The following INSL6 variants were observed in gnomAD, a reference collection of about 807,000 sequenced individuals.
The protein encoded by INSL6 is insulin-like peptide INSL6.
In INSL6, 16 loss-of-function variants were observed where a neutral mutation model predicts 9.4. The observed-to-expected ratio is 1.70, with a 90% confidence interval of 1.15 to 2.59. INSL6 has a LOEUF of 2.59. Among genes scored for constraint, INSL6 ranks in the 30% most tolerant of loss-of-function variants. The probability of loss-of-function intolerance (pLI) is 0.00; values close to 1 mark genes in which losing one functional copy is unlikely to be tolerated. For missense variants in INSL6, 391 were observed against 257.3 expected, an observed-to-expected ratio of 1.52 and a Z score of -3.56; for synonymous variants, 154 against 96.9, an observed-to-expected ratio of 1.59 and a Z score of -3.46.
chr9:5,177,568 G>C (rs1482717097), intron 1 of INSL6, among the ~76,000 whole-genome samples: 1 of 152,202 alleles, frequency 6.6e-6, no homozygotes, highest in Non-Finnish European at 1.5e-5. Context: ...CAGAAGATAT[G>C]ACAGTGCATA....
intron 2 of INSL6, among the ~76,000 whole-genome samples, chr9:5,150,113 T>G (rs888872212): frequency 6.6e-6 from 1 of 152,188 alleles, no homozygotes; most frequent in African/African-American, 2.4e-5. Flanking sequence ...AAATTAAAGA[T>G]TTAAATGTCA....
the INSL6 span, chr9:5,090,982 A>T: frequency 8.9e-7 from 1 of 1,120,280 alleles, no homozygotes; most frequent in Non-Finnish European, 1.3e-6. Flanking sequence ...GTTATTTAAT[A>T]GTTTGCCATT....
the INSL6 span, chr9:5,094,874 G>A: frequency 6.6e-6 from 1 of 152,010 alleles, no homozygotes; most frequent in Admixed American, 6.6e-5. Context: ...TTTAACCACC[G>A]TTTTTATGAA....
chr9:5,040,561 A>C, the INSL6 span, among the ~76,000 whole-genome samples: 1 of 152,262 alleles, frequency 6.6e-6, no homozygotes, highest in Non-Finnish European at 1.5e-5. Context: ...TTTGGGAATC[A>C]TATATCTGAT....
chr9:5,040,554 G>A, the INSL6 span, among the ~76,000 whole-genome samples: 3 of 152,216 alleles, frequency 2.0e-5, no homozygotes, highest in Non-Finnish European at 4.4e-5. Context: ...GCAAATGTTT[G>A]GGAATCATAT....
chr9:5,085,568 T>C, the INSL6 span: 1 of 691,280 alleles, frequency 1.4e-6, no homozygotes, highest in East Asian at 2.6e-5. Flanking sequence ...ACAGCTGTAT[T>C]TCCAGTTTGT....
At chr9:5,036,216 G>T in the INSL6 span, among the ~76,000 whole-genome samples, 4 of 152,082 alleles carry the variant, frequency 2.6e-5, no homozygotes, top group Non-Finnish European at 5.9e-5. Context: ...ACTGCTCAAT[G>T]AAGTAAAAGA....
the INSL6 span, chr9:5,100,494 A>C: frequency 6.6e-6 from 1 of 152,216 alleles, no homozygotes; most frequent in Non-Finnish European, 1.5e-5. Context: ...AATTCTATTT[A>C]TTATCTGAGA....
the INSL6 span, among the ~76,000 whole-genome samples, chr9:5,054,313 A>G: frequency 6.6e-6 from 1 of 152,066 alleles, no homozygotes; most frequent in Non-Finnish European, 1.5e-5. This position sits in a 1 kb window ranked among gnomAD's most constrained non-coding sequence, Gnocchi z 4.9. Context: ...CATTAGGGGA[A>G]GAAGATTAAC....
the INSL6 span, chr9:5,099,262 T>C: frequency 6.6e-6 from 1 of 152,254 alleles, no homozygotes; most frequent in East Asian, 1.9e-4. Flanking sequence ...ATCTAACCAG[T>C]TTTATACCTA....
At chr9:5,080,651 T>A in the INSL6 span, 1 of 1,593,518 alleles carries the variant, frequency 6.3e-7, no homozygotes. Context: ...TTCAGAGCCA[T>A]CATACGAGAT....
At chr9:5,020,444 G>T in the INSL6 span, among the ~76,000 whole-genome samples, 1 of 152,170 alleles carries the variant, frequency 6.6e-6, no homozygotes, top group South Asian at 2.1e-4. Context: ...TGGTGGGCAG[G>T]AGCAGGATGA....
At chr9:5,085,893 TCCTTTCTAATACCCTC>T in the INSL6 span, 3 of 845,590 alleles carry the variant, frequency 3.5e-6, no homozygotes, top group African/African-American at 5.0e-5. Context: ...TATGAGCGGT[TCCTTTCTAATACCCTC>T]ATACAGACCT....
intron 2 of INSL6, among the ~76,000 whole-genome samples, chr9:5,150,656 A>T (rs1448127624): frequency 1.3e-5 from 2 of 152,204 alleles, no homozygotes; most frequent in Non-Finnish European, 2.9e-5. Flanking sequence ...GTAAAATAGT[A>T]TGAAGACTTC....
downstream of INSL6, among the ~76,000 whole-genome samples, chr9:5,119,050 CATT>C (rs1012203836): frequency 2.0e-4 from 31 of 152,198 alleles, no homozygotes; most frequent in African/African-American, 5.1e-4. Context: ...ATTATTAATA[CATT>C]ATTATTAACA....
At chr9:5,166,968 T>C (rs992016169) in intron 1 of INSL6, among the ~76,000 whole-genome samples, 1 of 152,172 alleles carries the variant, frequency 6.6e-6, no homozygotes, top group African/African-American at 2.4e-5. Flanking sequence ...GCAGCCAAGA[T>C]GGCTGAATAG....
chr9:5,119,429 TA>T (rs539525091), downstream of INSL6, among the ~76,000 whole-genome samples: 225 of 145,408 alleles, frequency 1.5e-3, no homozygotes, highest in African/African-American at 4.8e-3. Context: ...AATGAAAGCC[TA>T]AAAAAAAAAG....
chr9:4,999,201 C>G, the INSL6 span, among the ~76,000 whole-genome samples: 1 of 152,178 alleles, frequency 6.6e-6, no homozygotes, highest in Non-Finnish European at 1.5e-5. Context: ...TTACATTTGA[C>G]TTCGGTAGCC....
At chr9:5,121,884 G>A (rs1286718401), downstream of INSL6, among the ~76,000 whole-genome samples, 3 of 152,158 alleles carry the variant, frequency 2.0e-5, no homozygotes, top group African/African-American at 7.2e-5. Context: ...CAGAGGAAGA[G>A]CATATTTTGC....
Sources: allele counts gnomAD v4.1 joint callset (sites outside exome capture counted in the v4.1 genomes callset), GRCh38; gene constraint gnomAD v4.1.1; non-coding constraint Gnocchi (gnomAD v3.1); transcripts MANE v1.5; gene names NCBI Gene and HGNC (gene_info 2026-07-23, HGNC 2026-07-21).